ETV6: variants seen among roughly 807,000 people sequenced by gnomAD.
The protein encoded by ETV6 is ETS variant transcription factor 6.
In ETV6, 16 loss-of-function variants were observed where a neutral mutation model predicts 51.1. The observed-to-expected ratio is 0.31, with a 90% CI of 0.21 to 0.48. ETV6 has a LOEUF of 0.48. Ranked by LOEUF, ETV6 falls within the 20% of genes least tolerant of loss-of-function variation. ETV6 has a pLI of 0.99. For synonymous variants in ETV6, 240 were observed against 224.1 expected (o/e 1.07, Z -0.64); for missense variants, 458 against 594.8 (o/e 0.77, Z 2.39).
intron 5 of ETV6, among the ~76,000 whole-genome samples, chr12:11,881,304 G>T (rs1947088877): frequency 6.6e-6 from 1 of 152,224 alleles, no homozygotes; most frequent in African/African-American, 2.4e-5. Context: ...CCAGTTGGAA[G>T]AGATTATGGA....
chr12:11,837,605 G>A (rs1946334805), intron 2 of ETV6, among the ~76,000 whole-genome samples: 1 of 152,236 alleles, frequency 6.6e-6, no homozygotes, highest in African/African-American at 2.4e-5. Flanking sequence ...GGCATGCCTG[G>A]TTTAGGATGA....
At chr12:11,800,160 G>T (rs1945726318) in intron 2 of ETV6, among the ~76,000 whole-genome samples, 1 of 152,124 alleles carries the variant, frequency 6.6e-6, no homozygotes, top group South Asian at 2.1e-4. Flanking sequence ...TCTAAGGACT[G>T]AAAAATATCC....
intron 1 of ETV6, among the ~76,000 whole-genome samples, chr12:11,660,264 G>C (rs1270088316): frequency 1.3e-5 from 2 of 152,188 alleles, no homozygotes; most frequent in African/African-American, 2.4e-5. Flanking sequence ...TGGACAAGTA[G>C]ATCTGCACTA....
At chr12:11,866,405 T>G (rs1231613330) in intron 4 of ETV6, among the ~76,000 whole-genome samples, 1 of 152,258 alleles carries the variant, frequency 6.6e-6, no homozygotes, top group Non-Finnish European at 1.5e-5. Context: ...TGTTTGTATT[T>G]CTTCTCATAT....
intron 4 of ETV6, among the ~76,000 whole-genome samples, chr12:11,859,288 T>C (rs2136508615): frequency 6.6e-6 from 1 of 151,706 alleles, no homozygotes; most frequent in Non-Finnish European, 1.5e-5. Flanking sequence ...ACTACAGGCA[T>C]CCGCCACCAT....
intron 4 of ETV6, among the ~76,000 whole-genome samples, chr12:11,862,938 C>G (rs1473072522): frequency 6.6e-6 from 1 of 152,170 alleles, no homozygotes; most frequent in Non-Finnish European, 1.5e-5. Flanking sequence ...TAATTTTTAA[C>G]AAAATGACTG....
intron 1 of ETV6, among the ~76,000 whole-genome samples, chr12:11,736,746 G>T (rs1435156304): frequency 6.6e-6 from 1 of 152,188 alleles, no homozygotes; most frequent in Non-Finnish European, 1.5e-5. Flanking sequence ...AGGAGATGGG[G>T]CAGGGCTGGC....
chr12:11,795,680 A>G (rs761998690), intron 2 of ETV6, among the ~76,000 whole-genome samples: 1 of 152,244 alleles, frequency 6.6e-6, no homozygotes, highest in Non-Finnish European at 1.5e-5. Context: ...CATATTCCAG[A>G]GAACAAGGTG....
chr12:11,760,918 GTA>G (rs1441079087), intron 2 of ETV6, among the ~76,000 whole-genome samples: 6 of 121,046 alleles, frequency 5.0e-5, no homozygotes, highest in Admixed American at 1.0e-4. Flanking sequence ...GTATATAAAA[GTA>G]TATGTGTGTG....
chr12:11,656,045 C>G (rs537238766), intron 1 of ETV6, among the ~76,000 whole-genome samples: 6 of 152,302 alleles, frequency 3.9e-5, no homozygotes, highest in African/African-American at 1.4e-4. Context: ...CCTCTTCCTC[C>G]TCCTCTTCTT....
intron 2 of ETV6, among the ~76,000 whole-genome samples, chr12:11,779,556 A>G (rs371992662): frequency 5.3e-4 from 81 of 152,336 alleles, no homozygotes; most frequent in African/African-American, 1.5e-3. Context: ...TATTTCCAGG[A>G]TTGAAATGAC....
intron 1 of ETV6, among the ~76,000 whole-genome samples, chr12:11,717,607 A>T (rs370851172): frequency 2.0e-5 from 3 of 152,204 alleles, no homozygotes; most frequent in African/African-American, 7.2e-5. Context: ...GCTCGACCTC[A>T]TGCGCCTGCA....
chr12:11,764,113 G>C (rs6488451), intron 2 of ETV6, among the ~76,000 whole-genome samples: 115,097 of 152,182 alleles, frequency 0.76, 44,483 homozygotes, highest in South Asian at 0.94. Context: ...ATTATGGCAG[G>C]AGATAGTTAT....
At chr12:11,864,022 A>C (rs1946756221) in intron 4 of ETV6, among the ~76,000 whole-genome samples, 6 of 152,214 alleles carry the variant, frequency 3.9e-5, no homozygotes, top group Admixed American at 2.0e-4. Context: ...GTGGAGAAAT[A>C]AATAAATCAA....
intron 1 of ETV6, among the ~76,000 whole-genome samples, chr12:11,713,060 G>T (rs1476531241): frequency 2.0e-5 from 3 of 152,154 alleles, no homozygotes; most frequent in African/African-American, 7.2e-5. Flanking sequence ...GAGAAGAAGG[G>T]AGAATGACCA....
Position 11,729,914 on chromosome 12 carries a change from A to C in ETV6, c.34-22536A>C, listed in dbSNP as rs147781712. Among the ~76,000 whole-genome samples the C allele has an allele frequency of 1.9e-3, 288 of 152,246 alleles. 2 individuals are homozygous for C. The highest frequency in any genetic ancestry group is 6.5e-3 in the African/African-American group (268 of 41,544). ...ACCAGCTGTCCTGGGTTTTATCCCT[A>C]TGTGTTTTTTGCTGATTCACAAAGG... On this transcript the variant is annotated intron_variant, in intron 1 of 7. Transcript: ENST00000396373.
intron 1 of ETV6, among the ~76,000 whole-genome samples, chr12:11,687,075 G>A (rs1197562997): frequency 6.6e-6 from 1 of 152,014 alleles, no homozygotes; most frequent in Non-Finnish European, 1.5e-5. Flanking sequence ...TAGTAGAGAC[G>A]GGGTTTCACC....
chr12:11,868,671 T>C (rs1238633497), intron 4 of ETV6, among the ~76,000 whole-genome samples: 3 of 151,994 alleles, frequency 2.0e-5, no homozygotes, highest in African/African-American at 2.4e-5. Context: ...TAATTATTAC[T>C]AATATTATTA....
At chr12:11,659,451 T>G (rs1864059647) in intron 1 of ETV6, among the ~76,000 whole-genome samples, 2 of 152,206 alleles carry the variant, frequency 1.3e-5, no homozygotes, top group East Asian at 1.9e-4. Flanking sequence ...GGAGAGAAAC[T>G]GCTCCTCTGA....
Sources: allele counts gnomAD v4.1 joint callset (sites outside exome capture counted in the v4.1 genomes callset), GRCh38; gene constraint gnomAD v4.1.1; transcripts MANE v1.5; gene names NCBI Gene and HGNC (gene_info 2026-07-23, HGNC 2026-07-21).